SETBP1: variants seen among roughly 807,000 people sequenced by gnomAD.
SETBP1 encodes SET binding protein 1, also known as SET-binding protein.
Under a neutral mutation model 101.0 loss-of-function variants are expected in SETBP1, and 9 were observed. That is an observed-to-expected ratio of 0.09 (90% confidence interval 0.05 to 0.16). The LOEUF is 0.16. Among genes scored for constraint, SETBP1 ranks in the 10% least tolerant of loss-of-function variants. The pLI is 1.00. For missense variants in SETBP1, 1,858 were observed against 2,033.8 expected (o/e 0.91, Z 1.66); for synonymous variants, 818 against 788.5 (o/e 1.04, Z -0.63).
intron 1 of SETBP1, among the ~76,000 whole-genome samples, chr18:44,684,642 A>ATAAT (rs759504183): frequency 6.6e-6 from 1 of 151,516 alleles, no homozygotes; most frequent in Non-Finnish European, 1.5e-5. Context: ...GAACCATTAA[A>ATAAT]TAATTAATTA....
intron 1 of SETBP1, among the ~76,000 whole-genome samples, chr18:44,690,246 A>T (rs964808131): frequency 1.3e-5 from 2 of 152,236 alleles, no homozygotes; most frequent in Non-Finnish European, 2.9e-5. Flanking sequence ...TGACAGTACA[A>T]GGTAGCTAGA....
rs74319939 is a variant in SETBP1 at position 44,959,603 on chromosome 18, C to T, written c.4000+6263C>T. On this transcript the variant is annotated intron_variant, in intron 4 of 5. Coordinates refer to ENST00000649279, the MANE Select transcript of SETBP1 (RefSeq NM_015559.3). ...TAGGGGAAGAAACCAGCAAGCAGCT[C>T]CTCATGTTACAAAGCCAACTGCAAG... is the stretch of plus-strand genomic sequence containing the variant. Among the ~76,000 whole-genome samples the T allele has an allele frequency of 4.9e-3, 750 of 152,276 alleles. 5 individuals carry two copies. The highest frequency in any genetic ancestry group is 0.017 in the African/African-American group (695 of 41,556).
intron 3 of SETBP1, among the ~76,000 whole-genome samples, chr18:44,934,401 G>A (rs573113124): frequency 3.3e-4 from 50 of 152,276 alleles, no homozygotes; most frequent in Admixed American, 3.1e-3. Context: ...TGCCCTCCTC[G>A]GCCTCCCGAA....
intron 2 of SETBP1, among the ~76,000 whole-genome samples, chr18:44,802,044 T>C (rs1297030952): frequency 6.6e-6 from 1 of 152,136 alleles, no homozygotes; most frequent in Admixed American, 6.5e-5. Context: ...TCACCCCACC[T>C]GGCACTTGCC....
chr18:45,006,675 T>C (rs963186560), intron 4 of SETBP1, among the ~76,000 whole-genome samples: 1 of 152,148 alleles, frequency 6.6e-6, no homozygotes, highest in African/African-American at 2.4e-5. Context: ...AGAACAACAG[T>C]CATATCAGAT....
At chr18:45,025,450 C>G (rs557730228) in intron 4 of SETBP1, among the ~76,000 whole-genome samples, 1 of 152,276 alleles carries the variant, frequency 6.6e-6, no homozygotes, top group South Asian at 2.1e-4. Flanking sequence ...TCTGACTGAA[C>G]TACTAGAGAT....
intron 1 of SETBP1, among the ~76,000 whole-genome samples, chr18:44,699,402 G>T (rs957915311): frequency 6.6e-6 from 1 of 152,158 alleles, no homozygotes; most frequent in African/African-American, 2.4e-5. Flanking sequence ...AGTAAGAGAG[G>T]CCTCCGTAAA....
intron 2 of SETBP1, among the ~76,000 whole-genome samples, chr18:44,832,444 G>A (rs2144466819): frequency 6.6e-6 from 1 of 152,340 alleles, no homozygotes; most frequent in South Asian, 2.1e-4. Flanking sequence ...CACTGTCTCA[G>A]AAACACATCA....
At chr18:44,970,973 T>C (rs985052589) in intron 4 of SETBP1, among the ~76,000 whole-genome samples, 7 of 152,022 alleles carry the variant, frequency 4.6e-5, no homozygotes, top group African/African-American at 1.5e-4. Flanking sequence ...ACCCATTAAC[T>C]CTTCATTTAA....
At chr18:45,054,349 G>T (rs998653337) in intron 5 of SETBP1, among the ~76,000 whole-genome samples, 1 of 151,884 alleles carries the variant, frequency 6.6e-6, no homozygotes, top group South Asian at 2.1e-4. Context: ...CACCACACCC[G>T]GCTACTTTTT....
chr18:44,782,680 A>G (rs2071156339), intron 2 of SETBP1, among the ~76,000 whole-genome samples: 1 of 152,196 alleles, frequency 6.6e-6, no homozygotes, highest in South Asian at 2.1e-4. Context: ...GTCAACCCAC[A>G]GGGATTGATA....
In SETBP1 at chr18:45,066,921, T is replaced by C. The variant is rs1481574797; in HGVS notation, c.*3223T>C. 1 of 152,142 alleles carries C rather than the reference T, an allele frequency of 6.6e-6. No individual in the cohort carries two copies. The highest frequency in any genetic ancestry group is 2.4e-5 in the African/African-American group (1 of 41,432). 9.4% of individuals were successfully genotyped at this position (152,142 alleles called of 1,614,324 possible). A position where few individuals can be genotyped will look rare whatever the true frequency, so the allele number is the denominator to read the frequency against. On this transcript the variant is annotated 3_prime_UTR_variant, in exon 6 of 6. Coordinates refer to ENST00000649279, the MANE Select transcript of SETBP1 (RefSeq NM_015559.3). ...TGGATCTTTAATCCACTTGACTAAG[T>C]GTCTGGAAGAGCTACTTGCTCTTCC...
chr18:44,701,901 T>G, intron 2 of SETBP1, 69 bp downstream of exon 2: 1 of 1,526,696 alleles, frequency 6.6e-7, no homozygotes. Flanking sequence ...CTCAACTTCT[T>G]AGGGTCTATT....
chr18:44,863,663 AG>A (rs2069066010), intron 2 of SETBP1, among the ~76,000 whole-genome samples: 1 of 152,198 alleles, frequency 6.6e-6, no homozygotes, highest in South Asian at 2.1e-4. Context: ...GAGGTGAAGT[AG>A]GAGGCTTACT....
intron 3 of SETBP1, among the ~76,000 whole-genome samples, chr18:44,931,812 T>C (rs762078598): frequency 2.0e-5 from 3 of 152,214 alleles, no homozygotes; most frequent in Non-Finnish European, 2.9e-5. Flanking sequence ...CTCGATCCCT[T>C]CATTTTGAGC....
At position 45,063,720 on chromosome 18, in the gene SETBP1, C is replaced by A; in HGVS notation, c.*22C>A. On this transcript the variant is annotated 3_prime_UTR_variant, in exon 6 of 6. Transcript: ENST00000649279. ...CTAGGGCGGGTCTGGGCGTCTGCACCTGGGGCCTAGGGAACTGACACGTGG... is the reference window on the plus strand; with the variant it reads ...CTAGGGCGGGTCTGGGCGTCTGCACATGGGGCCTAGGGAACTGACACGTGG... The A allele has an allele frequency of 6.3e-7, 1 of 1,597,026 alleles. No homozygotes were observed.
At chr18:44,795,204 C>G (rs2071450238) in intron 2 of SETBP1, among the ~76,000 whole-genome samples, 1 of 152,160 alleles carries the variant, frequency 6.6e-6, no homozygotes, top group Admixed American at 6.5e-5. Context: ...TTCTCTTTTT[C>G]TTGAAATACC....
intron 2 of SETBP1, among the ~76,000 whole-genome samples, chr18:44,802,584 C>T (rs575166030): frequency 6.6e-6 from 1 of 152,278 alleles, no homozygotes; most frequent in South Asian, 2.1e-4. Flanking sequence ...CCTTCCTCAG[C>T]ATTCATCTTG....
Position 45,068,336 on chromosome 18 carries a change from C to T in SETBP1, c.*4638C>T, listed in dbSNP as rs1359940751. The T allele has an allele frequency of 6.6e-6, 1 of 151,902 alleles. No individual in the cohort carries two copies. The highest frequency in any genetic ancestry group is 1.5e-5 in the Non-Finnish European group (1 of 67,994). 9.4% of individuals were successfully genotyped at this position (151,902 alleles called of 1,614,324 possible). The stretch of plus-strand genomic sequence containing the variant: ...CATCTAGCATGCTTACTGTCATGCT[C>T]CTCCATGGTCTTAGATGTTGGGTTT... On this transcript the variant is annotated 3_prime_UTR_variant, in exon 6 of 6. Coordinates refer to ENST00000649279, the MANE Select transcript of SETBP1 (RefSeq NM_015559.3).
Sources: allele counts gnomAD v4.1 joint callset (sites outside exome capture counted in the v4.1 genomes callset), GRCh38; gene constraint gnomAD v4.1.1; transcripts MANE v1.5; gene names NCBI Gene and HGNC (gene_info 2026-07-23, HGNC 2026-07-21).